The following STX18 variants were observed in gnomAD, a reference collection of about 807,000 sequenced individuals.
STX18 encodes the protein syntaxin-18.
A neutral mutation model predicts 50.1 loss-of-function variants in STX18; 40 were observed. The observed-to-expected ratio is 0.80, with a 90% CI of 0.62 to 1.04. STX18 has a LOEUF of 1.04. Ranked by LOEUF, STX18 falls within the 50% of genes least tolerant of loss-of-function variation. STX18 has a pLI of 0.00. For missense variants in STX18, 410 were observed against 415.8 expected (o/e 0.99, Z 0.12); for synonymous variants, 158 against 151.8 (o/e 1.04, Z -0.30).
intron 5 of STX18, among the ~76,000 whole-genome samples, chr4:4,449,739 C>G (rs939874485): frequency 6.6e-6 from 1 of 152,218 alleles, no homozygotes; most frequent in African/African-American, 2.4e-5. Flanking sequence ...CCAGGGGGAG[C>G]AGTGCTTTGA....
chr4:4,445,298 C>G (rs1404797013), intron 5 of STX18, among the ~76,000 whole-genome samples: 1 of 151,992 alleles, frequency 6.6e-6, no homozygotes, highest in Non-Finnish European at 1.5e-5. Flanking sequence ...CCCAGCTACT[C>G]AGGAGGCTGA....
intron 1 of STX18, among the ~76,000 whole-genome samples, chr4:4,501,302 C>T (rs761830109): frequency 5.3e-5 from 8 of 152,138 alleles, no homozygotes; most frequent in Non-Finnish European, 1.0e-4. Context: ...GACATGGTTC[C>T]TCATTCTGTT....
chr4:4,511,593 G>C (rs909661700), intron 1 of STX18, among the ~76,000 whole-genome samples: 4 of 151,692 alleles, frequency 2.6e-5, no homozygotes, highest in Non-Finnish European at 4.4e-5. Context: ...TGTGGTAGGG[G>C]AATCAATAGT....
chr4:4,482,805 T>C (rs1401039846), intron 1 of STX18, among the ~76,000 whole-genome samples: 1 of 152,242 alleles, frequency 6.6e-6, no homozygotes, highest in African/African-American at 2.4e-5. Context: ...TCCACCTTCC[T>C]TGAGGCAAGC....
At chr4:4,536,100 G>T (rs558827245) in intron 1 of STX18, among the ~76,000 whole-genome samples, 5 of 152,188 alleles carry the variant, frequency 3.3e-5, no homozygotes, top group Non-Finnish European at 5.9e-5. Flanking sequence ...CGGAATCTTA[G>T]TAATAAAAGC....
At chr4:4,493,519 T>C (rs531568524) in intron 1 of STX18, among the ~76,000 whole-genome samples, 5 of 152,292 alleles carry the variant, frequency 3.3e-5, no homozygotes, top group East Asian at 1.9e-4. Flanking sequence ...AAAAAAATTG[T>C]TTTTGTTTAG....
intron 1 of STX18, among the ~76,000 whole-genome samples, chr4:4,528,930 C>T (rs1463719146): frequency 6.6e-6 from 1 of 152,214 alleles, no homozygotes; most frequent in Admixed American, 6.5e-5. Context: ...ATCCCAACAA[C>T]AGAAAAGGGA....
At chr4:4,422,197 A>G (rs1470396174) in intron 9 of STX18, among the ~76,000 whole-genome samples, 1 of 152,142 alleles carries the variant, frequency 6.6e-6, no homozygotes, top group Admixed American at 6.5e-5. Flanking sequence ...CAAGGTTCCA[A>G]TGAGAGAATC....
chr4:4,459,310 C>T (rs554657593), intron 3 of STX18, 62 bp downstream of exon 3: 25 of 1,166,208 alleles, frequency 2.1e-5, no homozygotes, highest in African/African-American at 1.8e-4. Context: ...GCACCATATG[C>T]ATCTTGTTTA....
intron 5 of STX18, among the ~76,000 whole-genome samples, chr4:4,438,762 G>C (rs1389348623): frequency 6.6e-6 from 1 of 151,958 alleles, no homozygotes. Context: ...CAGCATGCAG[G>C]GGGAGGCTGC....
intron 1 of STX18, among the ~76,000 whole-genome samples, chr4:4,476,465 T>C (rs1170589611): frequency 6.6e-6 from 1 of 152,202 alleles, no homozygotes; most frequent in African/African-American, 2.4e-5. Flanking sequence ...CCCTTAACCA[T>C]TACGGGGAAC....
At chr4:4,533,680 C>A (rs1442136718) in intron 1 of STX18, among the ~76,000 whole-genome samples, 1 of 152,226 alleles carries the variant, frequency 6.6e-6, no homozygotes, top group Non-Finnish European at 1.5e-5. Flanking sequence ...AAATCTGGTT[C>A]TTGGGCCTCC....
At chr4:4,439,630 C>G (rs190127812) in intron 5 of STX18, among the ~76,000 whole-genome samples, 1 of 147,508 alleles carries the variant, frequency 6.8e-6, no homozygotes, top group Non-Finnish European at 1.5e-5. Context: ...TACTCATACA[C>G]ACACATATAT....
At chr4:4,484,411 C>T (rs1210954247) in intron 1 of STX18, among the ~76,000 whole-genome samples, 5 of 152,142 alleles carry the variant, frequency 3.3e-5, no homozygotes, top group African/African-American at 7.2e-5. Flanking sequence ...GAATTTACAT[C>T]GACTAAAATG....
intron 1 of STX18, among the ~76,000 whole-genome samples, chr4:4,501,080 A>C (rs1402836964): frequency 6.6e-6 from 1 of 152,132 alleles, no homozygotes; most frequent in Admixed American, 6.5e-5. Context: ...ATAATGTAAC[A>C]ATTTCTCTGT....
intron 8 of STX18, among the ~76,000 whole-genome samples, chr4:4,424,611 A>G (rs988070020): frequency 1.3e-5 from 2 of 152,192 alleles, no homozygotes; most frequent in Non-Finnish European, 2.9e-5. Context: ...TTTGGGGGAC[A>G]TGTCCACAAT....
chr4:4,499,698 C>G (rs1311489197), intron 1 of STX18: 1 of 213,724 alleles, frequency 4.7e-6, no homozygotes, highest in African/African-American at 2.4e-5. Context: ...AACATTCTAT[C>G]AACGAGATTT....
chr4:4,425,266 T>A, intron 7 of STX18, 44 bp from the exon 8 acceptor site: 1 of 1,555,832 alleles, frequency 6.4e-7, no homozygotes. Flanking sequence ...ATACTGAACT[T>A]AGGCAAGAGT....
chr4:4,430,922 T>C (rs932434190), intron 7 of STX18, among the ~76,000 whole-genome samples: 6 of 152,206 alleles, frequency 3.9e-5, no homozygotes, highest in African/African-American at 1.2e-4. Flanking sequence ...CATAGCCAAC[T>C]CTGTCTAGTC....
Sources: gnomAD v4.1 joint callset for allele counts (sites outside exome capture counted in the v4.1 genomes callset) on GRCh38, gnomAD v4.1.1 for gene constraint, MANE v1.5 for transcripts, NCBI Gene and HGNC (gene_info 2026-07-23, HGNC 2026-07-21) for gene names.